CNBD1: variants seen among roughly 807,000 people sequenced by gnomAD.
CNBD1 encodes the protein cyclic nucleotide-binding domain-containing protein 1.
A neutral mutation model predicts 54.4 loss-of-function variants in CNBD1; 71 were observed. The observed-to-expected ratio is 1.30, with a 90% CI of 1.08 to 1.59. The LOEUF (loss-of-function observed/expected upper bound fraction) is 1.59, where lower values mean the gene tolerates loss of function less well. CNBD1 is among the 40% of genes most tolerant of loss of function. The pLI is 0.00. For synonymous variants in CNBD1, 182 were observed against 170.7 expected (o/e 1.07, Z -0.51); for missense variants, 659 against 518.0 (o/e 1.27, Z -2.64).
At chr8:86,916,362 A>G (rs571609387) in intron 3 of CNBD1, among the ~76,000 whole-genome samples, 1 of 152,288 alleles carries the variant, frequency 6.6e-6, no homozygotes, top group African/African-American at 2.4e-5. Context: ...ATACGCTGGC[A>G]TACTTCTGGG....
At chr8:87,150,890 T>A (rs1812589552) in intron 4 of CNBD1, among the ~76,000 whole-genome samples, 1 of 152,170 alleles carries the variant, frequency 6.6e-6, no homozygotes, top group South Asian at 2.1e-4. Flanking sequence ...ACAAAGAGGC[T>A]GGGGAAAAAA....
chr8:87,365,167 T>C (rs1810617978), intron 10 of CNBD1, among the ~76,000 whole-genome samples: 1 of 152,026 alleles, frequency 6.6e-6, no homozygotes, highest in Non-Finnish European at 1.5e-5. Flanking sequence ...TATTTTTTAC[T>C]TTTTAGTAAT....
chr8:87,399,588 T>C (rs1807510206), intron 2 of CNBD1, among the ~76,000 whole-genome samples: 1 of 151,980 alleles, frequency 6.6e-6, no homozygotes, highest in Non-Finnish European at 1.5e-5. Flanking sequence ...TGCCAAAAGT[T>C]CAATCAAATG....
At chr8:87,390,005 C>A (rs1256012795) in intron 2 of CNBD1, among the ~76,000 whole-genome samples, 6 of 83,026 alleles carry the variant, frequency 7.2e-5, no homozygotes, top group African/African-American at 1.8e-4. Context: ...GGAAAGGATT[C>A]CCTATTTAAT....
At chr8:87,320,630 C>CGT (rs1809504744) in intron 8 of CNBD1, among the ~76,000 whole-genome samples, 1 of 145,246 alleles carries the variant, frequency 6.9e-6, no homozygotes, top group East Asian at 2.0e-4. Flanking sequence ...GGGGGGGCGG[C>CGT]TCAGGGTACA....
At chr8:87,006,864 A>C (rs903414197) in intron 4 of CNBD1, among the ~76,000 whole-genome samples, 1 of 152,328 alleles carries the variant, frequency 6.6e-6, no homozygotes, top group Non-Finnish European at 1.5e-5. Flanking sequence ...AAACATTATG[A>C]CTTTCTTATG....
At chr8:87,269,713 T>C (rs1808325728) in intron 6 of CNBD1, among the ~76,000 whole-genome samples, 1 of 151,990 alleles carries the variant, frequency 6.6e-6, no homozygotes, top group Admixed American at 6.6e-5. Context: ...CAGACTGAAC[T>C]GGAAGAAACT....
chr8:87,425,311 T>G lies in CNBD1; in HGVS notation c.214-3235T>G, dbSNP rs545257883. ...GTAATTTGATCATCTGAAGCCTTCT[T>G]CTGTCAGCTCGTCAGTCATTCTCCG... On this transcript the variant is annotated intron_variant, in intron 2 of 7. Coordinates refer to the CNBD1 transcript ENST00000521593. 3.3e-5 allele frequency among the ~76,000 whole-genome samples: 5 copies of G among 152,348 alleles called. No homozygotes were observed. In the South Asian group the frequency reaches 1.0e-3, roughly 32 times the overall value.
chr8:86,889,172 G>A (rs186072196), intron 2 of CNBD1, among the ~76,000 whole-genome samples: 90 of 152,254 alleles, frequency 5.9e-4, no homozygotes, highest in African/African-American at 2.0e-3. Context: ...TAAGGTATGT[G>A]TATATAGGTT....
intron 3 of CNBD1, among the ~76,000 whole-genome samples, chr8:86,928,238 T>C (rs1809397188): frequency 6.6e-6 from 1 of 152,170 alleles, no homozygotes; most frequent in African/African-American, 2.4e-5. Flanking sequence ...AGGAAGTCAT[T>C]TGTGAGAAAA....
At chr8:87,390,019 T>C (rs1416890109) in intron 2 of CNBD1, among the ~76,000 whole-genome samples, 7 of 151,094 alleles carry the variant, frequency 4.6e-5, no homozygotes, top group African/African-American at 1.7e-4. Flanking sequence ...ATTTAATAAA[T>C]GGTGCTGGGA....
chr8:87,011,455 T>G (rs1395922246), intron 4 of CNBD1, among the ~76,000 whole-genome samples: 1 of 152,186 alleles, frequency 6.6e-6, no homozygotes, highest in African/African-American at 2.4e-5. Context: ...CTTTTGTTTA[T>G]TTGTTCTTGT....
chr8:87,335,479 G>T (rs898100391), intron 8 of CNBD1, among the ~76,000 whole-genome samples: 2 of 151,774 alleles, frequency 1.3e-5, no homozygotes, highest in Non-Finnish European at 1.5e-5. Flanking sequence ...TGTATTTTTT[G>T]ATCTTTGTTG....
At chr8:87,111,356 G>T (rs998970464) in intron 4 of CNBD1, among the ~76,000 whole-genome samples, 2 of 152,172 alleles carry the variant, frequency 1.3e-5, no homozygotes, top group African/African-American at 4.8e-5. Context: ...GAAAACCGTG[G>T]CCAGCACTCT....
chr8:86,910,855 G>C (rs1809090097), intron 3 of CNBD1, among the ~76,000 whole-genome samples: 1 of 152,302 alleles, frequency 6.6e-6, no homozygotes. Context: ...GGTCCCAAGT[G>C]GGTCTTCTGG....
chr8:86,993,593 T>C (rs563591047), intron 4 of CNBD1, among the ~76,000 whole-genome samples: 1 of 152,364 alleles, frequency 6.6e-6, no homozygotes, highest in South Asian at 2.1e-4. Context: ...CTGGTGTTCT[T>C]TACTGTGGTG....
intron 10 of CNBD1, among the ~76,000 whole-genome samples, chr8:87,376,365 C>A (rs1810936222): frequency 1.3e-5 from 2 of 151,748 alleles, no homozygotes. Flanking sequence ...GGTACTAATT[C>A]CTAAGGGCTC....
At chr8:87,332,771 G>A (rs1057247685) in intron 8 of CNBD1, among the ~76,000 whole-genome samples, 8 of 152,082 alleles carry the variant, frequency 5.3e-5, no homozygotes, top group African/African-American at 1.9e-4. Context: ...TGCTGTTTTG[G>A]TTACTGTAGA....
chr8:87,189,561 T>TA (rs1387653355), intron 4 of CNBD1, among the ~76,000 whole-genome samples: 1 of 152,130 alleles, frequency 6.6e-6, no homozygotes, highest in South Asian at 2.1e-4. Flanking sequence ...AGGAAGCATG[T>TA]AAAAAAATTA....
Sources: gnomAD v4.1 joint callset for allele counts (sites outside exome capture counted in the v4.1 genomes callset) on GRCh38, gnomAD v4.1.1 for gene constraint, MANE v1.5 for transcripts, NCBI Gene and HGNC (gene_info 2026-07-23, HGNC 2026-07-21) for gene names.